The following VPS13B variants were observed in gnomAD, a reference collection of about 807,000 sequenced individuals.
VPS13B encodes intermembrane lipid transfer protein VPS13B.
VPS13B carries 285 observed loss-of-function variants against 426.4 expected under a neutral mutation model. That is an observed-to-expected ratio of 0.67 (90% CI 0.61 to 0.74). The LOEUF is 0.74. Among genes scored for constraint, VPS13B ranks in the 30% least tolerant of loss-of-function variants. The probability of loss-of-function intolerance (pLI) is 0.00; values close to 1 mark genes in which losing one functional copy is unlikely to be tolerated. For missense variants in VPS13B, 4,537 were observed against 4,782.6 expected, an observed-to-expected ratio of 0.95 and a Z score of 1.51; for synonymous variants, 1,676 against 1,676.4, an observed-to-expected ratio of 1.00 and a Z score of 0.01.
chr8:99,827,218 A>G (rs1814741763), intron 51 of VPS13B, among the ~76,000 whole-genome samples: 3 of 152,088 alleles, frequency 2.0e-5, no homozygotes, highest in African/African-American at 2.4e-5. Context: ...TTTGGTTGGT[A>G]GGCTATTAAT....
chr8:99,043,615 A>T (rs1843071389), intron 3 of VPS13B, among the ~76,000 whole-genome samples: 1 of 151,994 alleles, frequency 6.6e-6, no homozygotes, highest in African/African-American at 2.4e-5. Flanking sequence ...TGGTCCTCTG[A>T]TAGCTATCAT....
At chr8:99,555,996 AG>A (rs752417439) in intron 30 of VPS13B, among the ~76,000 whole-genome samples, 1 of 152,176 alleles carries the variant, frequency 6.6e-6, no homozygotes, top group Non-Finnish European at 1.5e-5. Flanking sequence ...AGCAAGGGAA[AG>A]GGTTTTGAGT....
intron 33 of VPS13B, among the ~76,000 whole-genome samples, chr8:99,589,209 T>C (rs1225787752): frequency 6.6e-6 from 1 of 151,342 alleles, no homozygotes; most frequent in African/African-American, 2.4e-5. Flanking sequence ...CCAGTATTTT[T>C]TTATTATTAT....
chr8:99,367,981 G>C (rs1010079355), intron 19 of VPS13B, among the ~76,000 whole-genome samples: 7 of 152,134 alleles, frequency 4.6e-5, no homozygotes, highest in Non-Finnish European at 1.0e-4. Context: ...AAGGGATTGG[G>C]GAAGGGAGAT....
chr8:99,051,226 C>A (rs1337197923), intron 3 of VPS13B, among the ~76,000 whole-genome samples: 1 of 152,082 alleles, frequency 6.6e-6, no homozygotes, highest in Non-Finnish European at 1.5e-5. Context: ...AGGAAGGGAT[C>A]CAGTTTCAGC....
chr8:99,744,128 A>G (rs1425223632), intron 39 of VPS13B, among the ~76,000 whole-genome samples: 1 of 152,070 alleles, frequency 6.6e-6, no homozygotes, highest in Non-Finnish European at 1.5e-5. Context: ...CAAATTTACA[A>G]GAAAAAAAAC....
chr8:99,218,881 A>C (rs541809356), intron 17 of VPS13B, among the ~76,000 whole-genome samples: 1 of 152,168 alleles, frequency 6.6e-6, no homozygotes. Context: ...TCTGCATCAG[A>C]AACAGTCGTT....
At chr8:99,851,275 T>C (rs1166259561) in intron 55 of VPS13B, among the ~76,000 whole-genome samples, 1 of 152,224 alleles carries the variant, frequency 6.6e-6, no homozygotes, top group Non-Finnish European at 1.5e-5. Flanking sequence ...AAGGGCTTAT[T>C]GGATGCCTAG....
intron 15 of VPS13B, among the ~76,000 whole-genome samples, chr8:99,160,657 A>G (rs1450085323): frequency 1.3e-5 from 2 of 151,624 alleles, no homozygotes; most frequent in Admixed American, 6.6e-5. Context: ...TCTCAAAAAA[A>G]AAAAAAAAAA....
At chr8:99,086,769 G>C (rs1174491565) in intron 3 of VPS13B, among the ~76,000 whole-genome samples, 1 of 152,240 alleles carries the variant, frequency 6.6e-6, no homozygotes, top group Non-Finnish European at 1.5e-5. Flanking sequence ...CTGCAGAACA[G>C]TGGATATTGG....
chr8:99,706,355 T>C (rs1198888617), intron 36 of VPS13B, among the ~76,000 whole-genome samples: 1 of 152,198 alleles, frequency 6.6e-6, no homozygotes, highest in Non-Finnish European at 1.5e-5. Context: ...ATCATTACTT[T>C]CTGTTTACCG....
intron 30 of VPS13B, among the ~76,000 whole-genome samples, chr8:99,543,781 T>C (rs927133024): frequency 7.9e-5 from 12 of 151,604 alleles, no homozygotes; most frequent in African/African-American, 2.9e-4. Flanking sequence ...TCACACTAGT[T>C]AGAATGGCAA....
At chr8:99,694,867 C>T (rs1419899057) in intron 35 of VPS13B, among the ~76,000 whole-genome samples, 1 of 151,834 alleles carries the variant, frequency 6.6e-6, no homozygotes, top group Non-Finnish European at 1.5e-5. Context: ...AACAAACAAC[C>T]CCATCAAAAA....
rs35590712 is a variant in VPS13B at position 99,850,282 on chromosome 8, T to TATAC, written c.10061+1396_10061+1399dup. On this transcript the variant is annotated intron_variant, in intron 55 of 61. Coordinates refer to ENST00000357162, the MANE Select transcript of VPS13B (RefSeq NM_152564.5). The stretch of plus-strand genomic sequence containing the variant: ...ATACATAAGTACGCATGTATGTACT[T>TATAC]ATACATACATAAGTACGCATGTATG... Among the ~76,000 whole-genome samples the TATAC allele has an allele frequency of 1.6e-3, 150 of 95,880 alleles. 6 individuals are homozygous for TATAC. The highest frequency in any genetic ancestry group is 2.2e-3 in the African/African-American group (46 of 20,570). The allele number at this position is 95,880 out of a possible 152,430, so 62.9% of individuals were successfully genotyped here. A position where few individuals can be genotyped will look rare whatever the true frequency, so the allele number is the denominator to read the frequency against.
At chr8:99,507,354 G>T in intron 28 of VPS13B, 151 bp downstream of exon 28, 1 of 877,420 alleles carries the variant, frequency 1.1e-6, no homozygotes, top group Non-Finnish European at 1.8e-6. Context: ...TAAATTTAAA[G>T]CTATTTATTC....
At chr8:99,176,524 G>A (rs1351805364) in intron 16 of VPS13B, among the ~76,000 whole-genome samples, 2 of 152,154 alleles carry the variant, frequency 1.3e-5, no homozygotes, top group Admixed American at 1.3e-4. Flanking sequence ...GATGCTATAA[G>A]ACAAAGTTGA....
At chr8:99,728,389 G>T (rs1437060031) in intron 39 of VPS13B, among the ~76,000 whole-genome samples, 1 of 152,190 alleles carries the variant, frequency 6.6e-6, no homozygotes, top group Non-Finnish European at 1.5e-5. Context: ...TATGAGGAGT[G>T]GGGATAATGT....
At chr8:99,188,243 ACTAT>A (rs1443205027) in intron 16 of VPS13B, among the ~76,000 whole-genome samples, 3 of 151,984 alleles carry the variant, frequency 2.0e-5, no homozygotes, top group African/African-American at 7.3e-5. Flanking sequence ...AGTCATCACC[ACTAT>A]CTAATTCCAG....
intron 58 of VPS13B, among the ~76,000 whole-genome samples, chr8:99,865,491 G>T (rs778658454): frequency 6.6e-6 from 1 of 152,194 alleles, no homozygotes; most frequent in African/African-American, 2.4e-5. Context: ...ACAGGCCTCC[G>T]CCAGGTGAAA....
Sources: allele counts gnomAD v4.1 joint callset (sites outside exome capture counted in the v4.1 genomes callset), GRCh38; gene constraint gnomAD v4.1.1; transcripts MANE v1.5; gene names NCBI Gene and HGNC (gene_info 2026-07-23, HGNC 2026-07-21).